The following PTPRT variants were observed in gnomAD, a reference collection of about 807,000 sequenced individuals.
PTPRT encodes the protein receptor-type tyrosine-protein phosphatase T.
Under a neutral mutation model 176.8 loss-of-function variants are expected in PTPRT, and 56 were observed. That is an observed-to-expected ratio of 0.32 (90% CI 0.26 to 0.40). The LOEUF is 0.40. Ranked by LOEUF, PTPRT falls within the 10% of genes least tolerant of loss-of-function variation. PTPRT has a pLI of 1.00. For missense variants in PTPRT, 1,540 were observed against 1,908.2 expected (o/e 0.81, Z 3.60); for synonymous variants, 783 against 739.0 (o/e 1.06, Z -0.96).
At chr20:42,965,770 C>T (rs1380667089) in intron 1 of PTPRT, among the ~76,000 whole-genome samples, 1 of 152,146 alleles carries the variant, frequency 6.6e-6, no homozygotes. Context: ...TTCAATTCAT[C>T]TATACATTTA....
intron 9 of PTPRT, among the ~76,000 whole-genome samples, chr20:42,387,919 G>A (rs1600937048): frequency 6.6e-6 from 1 of 151,934 alleles, no homozygotes; most frequent in Middle Eastern, 3.4e-3. Flanking sequence ...AGCCTCCTGA[G>A]TGGCTGGGAT....
At chr20:43,039,363 A>G (rs1182983653) in intron 1 of PTPRT, among the ~76,000 whole-genome samples, 2 of 129,730 alleles carry the variant, frequency 1.5e-5, no homozygotes, top group Non-Finnish European at 3.0e-5. Flanking sequence ...TGATAAAAAA[A>G]AAACCACAAA....
At chr20:42,420,022 G>C (rs1401197079) in intron 9 of PTPRT, among the ~76,000 whole-genome samples, 1 of 152,142 alleles carries the variant, frequency 6.6e-6, no homozygotes, top group Non-Finnish European at 1.5e-5. Flanking sequence ...CTTCGGAGGG[G>C]GTGGGGACCT....
At chr20:42,287,160 A>G (rs2147073627) in intron 12 of PTPRT, among the ~76,000 whole-genome samples, 1 of 152,088 alleles carries the variant, frequency 6.6e-6, no homozygotes, top group African/African-American at 2.4e-5. Flanking sequence ...TTCAGCCACT[A>G]TGGAGAACAG....
intron 7 of PTPRT, among the ~76,000 whole-genome samples, chr20:42,588,704 T>C (rs1285551201): frequency 1.3e-5 from 2 of 152,186 alleles, no homozygotes; most frequent in Non-Finnish European, 2.9e-5. Context: ...CTAGAAAATT[T>C]TAAATTACAT....
chr20:42,191,460 G>A, intron 16 of PTPRT, among the ~76,000 whole-genome samples: 1 of 152,236 alleles, frequency 6.6e-6, no homozygotes, highest in East Asian at 1.9e-4. Flanking sequence ...CCAATGTAGA[G>A]GGTCATGGTT....
intron 1 of PTPRT, among the ~76,000 whole-genome samples, chr20:42,906,800 G>A (rs1015216143): frequency 1.3e-5 from 2 of 152,062 alleles, no homozygotes; most frequent in Admixed American, 1.3e-4. Flanking sequence ...TGCATCTGGA[G>A]GAAACTAAAA....
chr20:42,452,538 A>C (rs2070850452), intron 8 of PTPRT, among the ~76,000 whole-genome samples: 1 of 152,122 alleles, frequency 6.6e-6, no homozygotes, highest in African/African-American at 2.4e-5. Flanking sequence ...ATTTGGAAAG[A>C]CAGGAGAAGC....
intron 1 of PTPRT, among the ~76,000 whole-genome samples, chr20:43,115,588 C>A (rs1401344792): frequency 6.6e-6 from 1 of 152,122 alleles, no homozygotes; most frequent in Admixed American, 6.5e-5. Flanking sequence ...AAAAGTATTA[C>A]CAGCATCTAG....
chr20:42,999,613 T>TG lies in PTPRT; in HGVS notation c.89-113682_89-113681insC, dbSNP rs753639138. Among the ~76,000 whole-genome samples the TG allele has an allele frequency of 1.6e-4, 21 of 133,932 alleles. 1 individual carries two copies. The highest frequency in any genetic ancestry group is 1.2e-3 in the East Asian group (6 of 5,090). 87.9% of individuals were successfully genotyped at this position (133,932 alleles called of 152,430 possible). On this transcript the variant is annotated intron_variant, in intron 1 of 30. Coordinates refer to ENST00000373187, the MANE Select transcript of PTPRT (RefSeq NM_007050.6). ...TCTAAAAAAAAAACTTGTGGTTTTT[T>TG]TTTTGTTGTTGTTGTTGTTGTGGTG...
At chr20:42,096,617 C>A (rs1985263894) in intron 27 of PTPRT, among the ~76,000 whole-genome samples, 1 of 152,110 alleles carries the variant, frequency 6.6e-6, no homozygotes, top group Non-Finnish European at 1.5e-5. Flanking sequence ...AAAATGGGTT[C>A]TTGCACTGTC....
intron 1 of PTPRT, among the ~76,000 whole-genome samples, chr20:42,954,391 G>A (rs1010228969): frequency 2.0e-5 from 3 of 152,088 alleles, no homozygotes; most frequent in Non-Finnish European, 2.9e-5. Context: ...GTGCTCTGGG[G>A]CCAAATCTCC....
chr20:43,047,686 A>AATGATG (rs3092428), intron 1 of PTPRT, among the ~76,000 whole-genome samples: 9,586 of 151,814 alleles, frequency 0.063, 415 homozygotes, highest in South Asian at 0.13. Context: ...TAATCATACT[A>AATGATG]ATGATGATGA....
chr20:42,295,847 T>C (rs2145285562), intron 12 of PTPRT, among the ~76,000 whole-genome samples: 1 of 152,184 alleles, frequency 6.6e-6, no homozygotes, highest in Middle Eastern at 3.2e-3. Context: ...ATAGTGAGTT[T>C]TCATGAGATC....
rs62204931 is a variant in PTPRT, at chr20:42,479,973, G to T, written c.1154-7411C>A. On this transcript the variant is annotated intron_variant, in intron 7 of 30. Coordinates refer to ENST00000373187, the MANE Select transcript of PTPRT (RefSeq NM_007050.6). Reference sequence around the variant, plus strand: ...AGCACTAGATCCTACCCGTGCTGATGATTAGAATCACCTGAAGCTGGAGCA... The same window carrying T: ...AGCACTAGATCCTACCCGTGCTGATTATTAGAATCACCTGAAGCTGGAGCA... Among the ~76,000 whole-genome samples the T allele has an allele frequency of 7.8e-3, 1,190 of 152,332 alleles. 10 individuals carry two copies. Among genetic ancestry groups the T allele is most frequent in the Middle Eastern group, 0.014 (4 of 294 alleles).
At chr20:42,384,152 G>C (rs1568832343) in intron 9 of PTPRT, among the ~76,000 whole-genome samples, 1 of 152,208 alleles carries the variant, frequency 6.6e-6, no homozygotes, top group African/African-American at 2.4e-5. Context: ...AATGCATATG[G>C]ACCATGCACT....
At chr20:42,833,133 T>C (rs539878561) in intron 2 of PTPRT, among the ~76,000 whole-genome samples, 1 of 151,894 alleles carries the variant, frequency 6.6e-6, no homozygotes, top group Non-Finnish European at 1.5e-5. Context: ...GAATATGTTA[T>C]CAAAGAAATG....
At chr20:42,435,932 G>A (rs935585790) in intron 9 of PTPRT, among the ~76,000 whole-genome samples, 1 of 152,170 alleles carries the variant, frequency 6.6e-6, no homozygotes, top group African/African-American at 2.4e-5. Flanking sequence ...CAGTGGAATA[G>A]AGAGCTCAGA....
chr20:42,245,874 C>G (rs1344663609), intron 14 of PTPRT, among the ~76,000 whole-genome samples: 6 of 152,124 alleles, frequency 3.9e-5, no homozygotes. Flanking sequence ...GTAACCATGT[C>G]CATGACCAGG....
Sources: gnomAD v4.1 joint callset for allele counts (sites outside exome capture counted in the v4.1 genomes callset) on GRCh38, gnomAD v4.1.1 for gene constraint, MANE v1.5 for transcripts, NCBI Gene and HGNC (gene_info 2026-07-23, HGNC 2026-07-21) for gene names.